GRAMD1C: variants seen among roughly 807,000 people sequenced by gnomAD.
GRAMD1C encodes the protein GRAM domain containing 1C.
A neutral mutation model predicts 97.8 loss-of-function variants in GRAMD1C; 89 were observed. The observed-to-expected ratio is 0.91, with a 90% CI of 0.77 to 1.09. The LOEUF is 1.09. GRAMD1C is among the 50% of genes least tolerant of loss of function. GRAMD1C has a pLI of 0.00. For synonymous variants in GRAMD1C, 256 were observed against 267.0 expected (o/e 0.96, Z 0.40); for missense variants, 740 against 766.4 (o/e 0.97, Z 0.41).
rs189250356 is a variant in GRAMD1C, at chr3:113,870,859, G to T, written c.259+1268G>T. Among the ~76,000 whole-genome samples the T allele has an allele frequency of 1.8e-3, 266 of 148,130 alleles. 2 individuals carry two copies. The highest frequency in any genetic ancestry group is 0.011 in the South Asian group (51 of 4,656). Reference sequence around the variant, plus strand: ...TGGCTGGGTGCAGTGGCTGATACCTGTAATCCCAGCACTTTGGGAGGCTGA... The same window carrying T: ...TGGCTGGGTGCAGTGGCTGATACCTTTAATCCCAGCACTTTGGGAGGCTGA... On this transcript the variant is annotated intron_variant, in intron 3 of 17. Coordinates refer to ENST00000358160, the MANE Select transcript of GRAMD1C (RefSeq NM_017577.5).
At position 113,838,878 on chromosome 3, in the gene GRAMD1C, G is replaced by A. The variant is rs1709692039; in HGVS notation, c.-32G>A. ...CGGGGCGGTGCGGTGCGGTGCGCGC[G>A]GGGCGGTGCCGCGGCGGCGGAGGGA... On this transcript the variant is annotated 5_prime_UTR_variant, in exon 1 of 18. Transcript: ENST00000358160. The A allele has an allele frequency of 1.6e-6, 2 of 1,229,274 alleles. No homozygotes were observed. The highest frequency in any genetic ancestry group is 2.0e-6 in the Non-Finnish European group (2 of 984,450). The allele number at this position is 1,229,274 out of a possible 1,614,324, so 76.1% of individuals were successfully genotyped here.
chr3:113,829,023 G>T (rs1399713907), intron 1 of GRAMD1C, among the ~76,000 whole-genome samples: 1 of 151,878 alleles, frequency 6.6e-6, no homozygotes, highest in Non-Finnish European at 1.5e-5. Flanking sequence ...ACCTTATTTT[G>T]CTTCTTAACC....
intron 2 of GRAMD1C, among the ~76,000 whole-genome samples, chr3:113,849,858 A>G (rs1051623013): frequency 1.3e-5 from 2 of 151,684 alleles, no homozygotes; most frequent in Admixed American, 1.3e-4. Flanking sequence ...CTCACTTCCC[A>G]GTAGGGGCGG....
chr3:113,884,629 G>C (rs1209262071), intron 6 of GRAMD1C, among the ~76,000 whole-genome samples: 2 of 152,096 alleles, frequency 1.3e-5, no homozygotes, highest in Non-Finnish European at 2.9e-5. Flanking sequence ...TCAGGAGATC[G>C]AGACCATCCT....
At chr3:113,884,507 T>C (rs1476370849) in intron 6 of GRAMD1C, among the ~76,000 whole-genome samples, 1 of 152,134 alleles carries the variant, frequency 6.6e-6, no homozygotes, top group East Asian at 1.9e-4. Context: ...TAAAAAAGAA[T>C]GATAGTGAAT....
chr3:113,864,932 G>C (rs1246428431), intron 2 of GRAMD1C, among the ~76,000 whole-genome samples: 1 of 152,030 alleles, frequency 6.6e-6, no homozygotes, highest in Non-Finnish European at 1.5e-5. Context: ...CTACTTCTTG[G>C]TCCCAATTTT....
chr3:113,886,085 G>C lies in GRAMD1C; in HGVS notation c.540+3253G>C. ...GTGGGGGGGCGGGGGGGAAAGGGAT[G>C]GCGAGCCCTTGGGATGCCATCTGAT... On this transcript the variant is annotated intron_variant, in intron 6 of 17. Transcript: ENST00000358160. The C allele has an allele frequency of 3.4e-6, 5 of 1,491,242 alleles. No individual in the cohort carries two copies. In the South Asian group the frequency reaches 6.2e-5, roughly 19 times the overall value. The allele number at this position is 1,491,242 out of a possible 1,614,324, so 92.4% of individuals were successfully genotyped here.
chr3:113,870,508 G>A (rs114914033), intron 3 of GRAMD1C, among the ~76,000 whole-genome samples: 1 of 152,060 alleles, frequency 6.6e-6, no homozygotes, highest in Admixed American at 6.5e-5. Flanking sequence ...ATAAGATATA[G>A]TGTTCAGTAT....
intron 17 of GRAMD1C, 129 bp from the exon 18 acceptor site, chr3:113,945,269 G>A (rs112397754): frequency 3.4e-5 from 22 of 644,274 alleles, no homozygotes; most frequent in African/African-American, 3.0e-4. Context: ...TGTATTTAAC[G>A]TTTTATTTGG....
chr3:113,911,921 G>A (rs1187910994), intron 9 of GRAMD1C, among the ~76,000 whole-genome samples: 3 of 151,986 alleles, frequency 2.0e-5, no homozygotes, highest in South Asian at 4.2e-4. Flanking sequence ...TAGAGATGGG[G>A]TTTCACCATG....
At chr3:113,856,999 T>C (rs899047143) in intron 2 of GRAMD1C, among the ~76,000 whole-genome samples, 1 of 151,994 alleles carries the variant, frequency 6.6e-6, no homozygotes, top group African/African-American at 2.4e-5. Flanking sequence ...CTACTAGACT[T>C]GGCTAATTTT....
Position 113,854,292 on chromosome 3 carries a change from A to C in GRAMD1C, c.174+9643A>C, listed in dbSNP as rs1290418398. 2.6e-5 allele frequency among the ~76,000 whole-genome samples: 4 copies of C among 152,324 alleles called. No individual in the cohort carries two copies. In the East Asian group the frequency reaches 7.7e-4, roughly 29 times the overall value. ...TTGAGCAGGCATGATACTTAAAGAC[A>C]GACTTATGAAGACTGGATCAGATCA... On this transcript the variant is annotated intron_variant, in intron 2 of 17. Coordinates refer to ENST00000358160, the MANE Select transcript of GRAMD1C (RefSeq NM_017577.5).
chr3:113,831,645 T>A (rs1266805494), intron 1 of GRAMD1C, among the ~76,000 whole-genome samples: 1 of 152,184 alleles, frequency 6.6e-6, no homozygotes, highest in Non-Finnish European at 1.5e-5. Context: ...TCAGACTGAA[T>A]AATCCCAATT....
chr3:113,875,656 ACT>A, intron 4 of GRAMD1C, 69 bp downstream of exon 4: 2 of 749,366 alleles, frequency 2.7e-6, no homozygotes, highest in Admixed American at 4.0e-5. Flanking sequence ...TCTTCCAAAA[ACT>A]CTACTTTAGA....
chr3:113,941,336 C>A (rs964082847), intron 17 of GRAMD1C, among the ~76,000 whole-genome samples: 3 of 152,242 alleles, frequency 2.0e-5, no homozygotes, highest in Admixed American at 2.0e-4. Context: ...GCCTATAATT[C>A]TGGAATTTTT....
At chr3:113,922,179 C>T (rs184564598) in intron 10 of GRAMD1C, among the ~76,000 whole-genome samples, 1 of 152,116 alleles carries the variant, frequency 6.6e-6, no homozygotes, top group African/African-American at 2.4e-5. Context: ...TCAAACAATT[C>T]TCCTGCCTCA....
intron 10 of GRAMD1C, among the ~76,000 whole-genome samples, chr3:113,929,325 T>C (rs1937331785): frequency 6.6e-6 from 1 of 152,184 alleles, no homozygotes; most frequent in Non-Finnish European, 1.5e-5. Context: ...AAGCTTTACT[T>C]AGGTATTGGA....
intron 7 of GRAMD1C, among the ~76,000 whole-genome samples, chr3:113,903,931 T>C (rs554238385): frequency 2.2e-3 from 303 of 138,236 alleles, no homozygotes; most frequent in Middle Eastern, 0.014. Context: ...TAGAATCCCA[T>C]GTGAGTGTAT....
At chr3:113,933,449 T>C in intron 11 of GRAMD1C, 62 bp from the exon 12 acceptor site, 1 of 1,176,018 alleles carries the variant, frequency 8.5e-7, no homozygotes, top group Non-Finnish European at 1.3e-6. Flanking sequence ...ATGTTCTAAA[T>C]TGGCAAGAAG....
Sources: gnomAD v4.1 joint callset for allele counts (sites outside exome capture counted in the v4.1 genomes callset) on GRCh38, gnomAD v4.1.1 for gene constraint, MANE v1.5 for transcripts, NCBI Gene and HGNC (gene_info 2026-07-23, HGNC 2026-07-21) for gene names.